The following PCDHGA2 variants were observed in gnomAD, a reference collection of about 807,000 sequenced individuals.
The protein encoded by PCDHGA2 is protocadherin gamma-A2.
In PCDHGA2, 40 loss-of-function variants were observed where a neutral mutation model predicts 59.2. The ratio of observed to expected loss-of-function variants is 0.68; its 90% confidence interval spans 0.52 to 0.88. The LOEUF is 0.88. Among genes scored for constraint, PCDHGA2 ranks in the 40% least tolerant of loss-of-function variants. The pLI is 0.00. For missense variants in PCDHGA2, 1,226 were observed against 1,204.0 expected (o/e 1.02, Z -0.27); for synonymous variants, 560 against 526.0 (o/e 1.06, Z -0.89).
Position 141,511,042 on chromosome 5 carries a change from G to C in PCDHGA2, c.2668G>C (p.Asp890His), listed in dbSNP as rs774071540. Residue 890 changes from aspartate (D) to histidine (H), a missense_variant, in exon 4 of 4, where the codon GAC becomes CAC. Transcript: ENST00000394576. Reference sequence around the variant, plus strand: ...CCAGTTCACCCTGCAGCACGTGCCCGACTACCGCCAGAATGTCTACATCCC... The same window carrying C: ...CCAGTTCACCCTGCAGCACGTGCCCCACTACCGCCAGAATGTCTACATCCC... ...GPQFTLQHVP[D>H]YRQNVYIPGS... 6.2e-7 allele frequency: 1 copy of C among 1,614,182 alleles called. No homozygotes were observed. Among genetic ancestry groups the C allele is most frequent in the South Asian group, 1.1e-5 (1 of 91,084 alleles).
At chr5:141,360,583 A>G (rs769168418) in intron 1 of PCDHGA2, 1 of 1,614,004 alleles carries the variant, frequency 6.2e-7, no homozygotes, top group South Asian at 1.1e-5. Context: ...TAAGCCAGGT[A>G]CAACATTTCC....
intron 1 of PCDHGA2, chr5:141,413,154 A>G: frequency 6.3e-7 from 1 of 1,576,026 alleles, no homozygotes; most frequent in Middle Eastern, 1.7e-4. Context: ...AGGACTTTGC[A>G]GAATTCTGTA....
intron 1 of PCDHGA2, chr5:141,394,873 C>T (rs376612124): frequency 6.8e-6 from 11 of 1,613,708 alleles, no homozygotes; most frequent in Non-Finnish European, 8.5e-6. Context: ...CCGAACGATT[C>T]GAGCCTTACA....
chr5:141,502,785 A>G (rs576095718), intron 2 of PCDHGA2, among the ~76,000 whole-genome samples: 2 of 150,900 alleles, frequency 1.3e-5, no homozygotes, highest in East Asian at 3.9e-4. Context: ...AATTACCTGG[A>G]TGATTTCTTC....
chr5:141,403,207 CACCGCGGGTAGGATAG>C, intron 1 of PCDHGA2: 1 of 1,613,966 alleles, frequency 6.2e-7, no homozygotes, highest in South Asian at 1.1e-5. Context: ...GCACCTTGGT[CACCGCGGGTAGGATAG>C]ACCGGGAGGA....
chr5:141,408,430 C>T, intron 1 of PCDHGA2: 2 of 1,614,012 alleles, frequency 1.2e-6, no homozygotes, highest in South Asian at 1.1e-5. Context: ...TGCACTTCAG[C>T]GTAGACGCGG....
chr5:141,424,776 A>G (rs1406581367), intron 1 of PCDHGA2: 2 of 152,154 alleles, frequency 1.3e-5, no homozygotes, highest in African/African-American at 4.8e-5. Context: ...CAAATAGTAC[A>G]TTCAGTTCTT....
intron 1 of PCDHGA2, chr5:141,372,410 A>C: frequency 6.2e-7 from 1 of 1,613,980 alleles, no homozygotes; most frequent in South Asian, 1.1e-5. Context: ...AAGAGATACA[A>C]CCTGACCTTA....
chr5:141,367,060 T>C lies in PCDHGA2; in HGVS notation c.2424+25665T>C, dbSNP rs1764930481. 3 of 310,714 alleles carry C rather than the reference T, an allele frequency of 9.7e-6. No individual in the cohort carries two copies. In the Admixed American group the frequency reaches 1.4e-4, roughly 15 times the overall value. 19.2% of individuals were successfully genotyped at this position (310,714 alleles called of 1,614,324 possible). On this transcript the variant is annotated intron_variant, in intron 1 of 3. Coordinates refer to ENST00000394576, the MANE Select transcript of PCDHGA2 (RefSeq NM_018915.4). ...TTCTATTAATAGAAAAGATGTTTTA[T>C]TTATTCAAATTGTTAGATATATTGT...
chr5:141,366,824 C>A, intron 1 of PCDHGA2: 1 of 1,535,428 alleles, frequency 6.5e-7, no homozygotes, highest in Non-Finnish European at 8.8e-7. Context: ...CTGTCATATT[C>A]AGAATCAGCT....
intron 1 of PCDHGA2, chr5:141,375,594 A>T: frequency 6.2e-7 from 1 of 1,613,890 alleles, no homozygotes; most frequent in Non-Finnish European, 8.5e-7. Flanking sequence ...CTGTCCTCCT[A>T]CGTGTCCATC....
chr5:141,376,151 A>T lies in PCDHGA2; in HGVS notation c.2424+34756A>T. ...CGCCAAACCCAACGATTCGGACCTC[A>T]CTCTGTACCTGGTGGTGGCGGTGGC... On this transcript the variant is annotated intron_variant, in intron 1 of 3. Coordinates refer to ENST00000394576, the MANE Select transcript of PCDHGA2 (RefSeq NM_018915.4). The T allele has an allele frequency of 1.9e-6, 3 of 1,612,748 alleles. No individual in the cohort carries two copies. In the South Asian group the frequency reaches 3.3e-5, roughly 18 times the overall value.
chr5:141,432,706 C>G lies in PCDHGA2; in HGVS notation c.2425-62101C>G, dbSNP rs761752571. The G allele has an allele frequency of 6.2e-7, 1 of 1,613,988 alleles. No homozygotes were observed. Among genetic ancestry groups the G allele is most frequent in the African/African-American group, 1.3e-5 (1 of 75,072 alleles). Reference sequence around the variant, plus strand: ...GCCTCGTAGTGGCCGTCCAGGACCACGGCCAGCCCCCTCTCTCCGCCACTG... The same window carrying G: ...GCCTCGTAGTGGCCGTCCAGGACCAGGGCCAGCCCCCTCTCTCCGCCACTG... On this transcript the variant is annotated intron_variant, in intron 1 of 3. Transcript: ENST00000394576. The surrounding 1 kb of genome is among the most constrained non-coding windows in gnomAD (Gnocchi z 6.0).
chr5:141,410,009 T>G, intron 1 of PCDHGA2: 1 of 1,613,318 alleles, frequency 6.2e-7, no homozygotes, highest in Non-Finnish European at 8.5e-7. Context: ...ACACAACGCC[T>G]GGCTGTCCTA....
At chr5:141,356,380 C>T (rs1323995819) in intron 1 of PCDHGA2, 6 of 1,566,080 alleles carry the variant, frequency 3.8e-6, no homozygotes, top group Non-Finnish European at 5.2e-6. Context: ...GCCATTCACA[C>T]TTGAAAAGAC....
chr5:141,398,803 A>C (rs551301850), intron 1 of PCDHGA2: 2 of 1,613,960 alleles, frequency 1.2e-6, no homozygotes, highest in African/African-American at 2.7e-5. Context: ...AAGCGGCACC[A>C]CTGAGCTCCG....
At position 141,352,536 on chromosome 5, in the gene PCDHGA2, C is replaced by A. The variant is rs199727665; in HGVS notation, c.2424+11141C>A. On this transcript the variant is annotated intron_variant, in intron 1 of 3. Transcript: ENST00000394576. ...TGTATTGCCTCTCATTCTGCAAAGACAGAGTTTAATTCTCTCAACCTGACA... is the reference window on the plus strand; with the variant it reads ...TGTATTGCCTCTCATTCTGCAAAGAAAGAGTTTAATTCTCTCAACCTGACA... 161 of 1,614,032 alleles carry A rather than the reference C, an allele frequency of 1.0e-4. No homozygotes were observed. In the African/African-American group the frequency reaches 1.9e-3, roughly 19 times the overall value.
chr5:141,409,179 G>A, intron 1 of PCDHGA2: 1 of 1,613,988 alleles, frequency 6.2e-7, no homozygotes. Context: ...GACGGAGGTG[G>A]TCTCTCTACC....
At chr5:141,345,982 G>A (rs1757678602) in intron 1 of PCDHGA2, 1 of 1,613,396 alleles carries the variant, frequency 6.2e-7, no homozygotes, top group East Asian at 2.2e-5. Context: ...CAGGACCACG[G>A]CCAGCCCCCT....
Sources: gnomAD v4.1 joint callset for allele counts (sites outside exome capture counted in the v4.1 genomes callset) on GRCh38, gnomAD v4.1.1 for gene constraint, Gnocchi (gnomAD v3.1) non-coding constraint, MANE v1.5 for transcripts, NCBI Gene and HGNC (gene_info 2026-07-23, HGNC 2026-07-21) for gene names.